The following ANKRD11 variants were observed in gnomAD, a reference collection of about 807,000 sequenced individuals.
The protein encoded by ANKRD11 is ankyrin repeat domain 11.
A neutral mutation model predicts 195.7 loss-of-function variants in ANKRD11; 17 were observed. The observed-to-expected ratio is 0.09, with a 90% confidence interval of 0.06 to 0.13. The LOEUF (loss-of-function observed/expected upper bound fraction) is 0.13. Among genes scored for constraint, ANKRD11 ranks in the 10% least tolerant of loss-of-function variants. The pLI, the probability that ANKRD11 is intolerant of heterozygous loss-of-function variation, is 1.00. For missense variants in ANKRD11, 3,735 were observed against 3,566.1 expected (o/e 1.05, Z -1.21); for synonymous variants, 1,953 against 1,528.1 (o/e 1.28, Z -6.49).
intron 2 of ANKRD11, among the ~76,000 whole-genome samples, chr16:89,402,072 C>T (rs893332994): frequency 4.6e-5 from 7 of 152,058 alleles, no homozygotes; most frequent in South Asian, 2.1e-4. Flanking sequence ...CCCGAAAGAC[C>T]CCCACACCAA....
rs541903424 is a variant in ANKRD11, at chr16:89,324,260, G to A, written c.-59-7182C>T. 19 of 1,230,622 alleles carry A rather than the reference G, an allele frequency of 1.5e-5. 1 individual carries two copies. In the South Asian group the frequency reaches 2.6e-4, roughly 17 times the overall value. The allele number at this position is 1,230,622 out of a possible 1,614,324, so 76.2% of individuals were successfully genotyped here. The stretch of plus-strand genomic sequence containing the variant: ...GACACATGCTTGGTCACTGGGCTGT[G>A]GAACATACAGGAGCCCCGTGCTCCG... On this transcript the variant is annotated intron_variant, in intron 2 of 12. Coordinates refer to ENST00000301030, the MANE Select transcript of ANKRD11 (RefSeq NM_013275.6).
intron 1 of ANKRD11, among the ~76,000 whole-genome samples, chr16:89,487,706 G>A (rs1200106411): frequency 6.6e-6 from 1 of 152,130 alleles, no homozygotes; most frequent in African/African-American, 2.4e-5. Flanking sequence ...CCCAGGAGAC[G>A]GAGGTTGCAA....
At chr16:89,432,367 T>G (rs1403669758) in intron 1 of ANKRD11, among the ~76,000 whole-genome samples, 1 of 152,072 alleles carries the variant, frequency 6.6e-6, no homozygotes, top group African/African-American at 2.4e-5. Flanking sequence ...AGCCGCTGTT[T>G]GTGACCTCAG....
At chr16:89,406,435 G>T (rs952674431) in intron 2 of ANKRD11, among the ~76,000 whole-genome samples, 3 of 152,222 alleles carry the variant, frequency 2.0e-5, no homozygotes, top group East Asian at 1.9e-4. Context: ...TAGAGGAGAA[G>T]CAGCAGCTGC....
intron 2 of ANKRD11, among the ~76,000 whole-genome samples, chr16:89,404,800 G>A (rs763226647): frequency 6.6e-6 from 1 of 152,226 alleles, no homozygotes; most frequent in South Asian, 2.1e-4. Flanking sequence ...TGAGGATGAA[G>A]GCATCATGGA....
rs137963949 is a variant in ANKRD11 at position 89,309,266 on chromosome 16, G to A, written c.88-3922C>T. ...CCACGAAGGGAGAGAATGCCAACAGGAGCAAAATCCTGCAAGTCAGACACT... is the reference window on the plus strand; with the variant it reads ...CCACGAAGGGAGAGAATGCCAACAGAAGCAAAATCCTGCAAGTCAGACACT... On this transcript the variant is annotated intron_variant, in intron 3 of 12. Coordinates refer to ENST00000301030, the MANE Select transcript of ANKRD11 (RefSeq NM_013275.6). 1.2e-3 allele frequency among the ~76,000 whole-genome samples: 189 copies of A among 152,298 alleles called. 1 individual carries two copies. In the East Asian group the frequency reaches 0.034, roughly 28 times the overall value.
chr16:89,281,321 C>G lies in ANKRD11; in HGVS notation c.5221G>C (p.Asp1741His). 1 of 1,613,830 alleles carries G rather than the reference C, an allele frequency of 6.2e-7. No homozygotes were observed. Among genetic ancestry groups the G allele is most frequent in the Non-Finnish European group, 8.5e-7 (1 of 1,179,800 alleles). The change falls in exon 9 of 13, where the codon GAC becomes CAC. Residue 1741 changes from aspartate (D) to histidine (H), a missense_variant. Transcript: ENST00000301030. The surrounding 1 kb of genome is among the most constrained non-coding windows in gnomAD (Gnocchi z 5.5). ...GGCACGGGCGTGGAGTGCTGCGAGT[C>G]GGCGCAGTCGAACACGAGGTCCGCG... ...DYADLVFDCA[D>H]SQHSTPVPTA...
Position 89,316,974 on chromosome 16 carries a change from G to T in ANKRD11, c.46C>A (p.Pro16Thr). The T allele has an allele frequency of 6.2e-7, 1 of 1,613,916 alleles. No individual in the cohort carries two copies. Among genetic ancestry groups the T allele is most frequent in the Non-Finnish European group, 8.5e-7 (1 of 1,179,934 alleles). Residue 16 changes from proline to threonine, a missense_variant, in exon 3 of 13, where the codon CCC (proline) becomes ACC (threonine). Coordinates refer to ENST00000301030, the MANE Select transcript of ANKRD11 (RefSeq NM_013275.6). ...TTCTCCACCATGTCGCTGCTGAGGG[G>T]AAGCTCTTCCTGCTGTGGTGCTTTA... ...CPKAPQQEEL[P>T]LSSDMVEKQT...
chr16:89,447,804 CTTTTTTT>C (rs753581064), intron 1 of ANKRD11, among the ~76,000 whole-genome samples: 14 of 135,296 alleles, frequency 1.0e-4, no homozygotes, highest in Non-Finnish European at 1.7e-4. Context: ...ATAACTTTTT[CTTTTTTT>C]TTTTTTTTTT....
At chr16:89,487,657 C>T (rs573131306) in intron 1 of ANKRD11, among the ~76,000 whole-genome samples, 4 of 152,062 alleles carry the variant, frequency 2.6e-5, no homozygotes, top group Non-Finnish European at 5.9e-5. Context: ...GCCTGTAATC[C>T]CAGCTACTCG....
Position 89,268,554 on chromosome 16 carries a change from A to T in ANKRD11, c.7916T>A (p.Leu2639Gln). 6.6e-7 allele frequency: 1 copy of T among 1,512,832 alleles called. No homozygotes were observed. Among genetic ancestry groups the T allele is most frequent in the Non-Finnish European group, 9.0e-7 (1 of 1,113,684 alleles). The allele number at this position is 1,512,832 out of a possible 1,614,324, so 93.7% of individuals were successfully genotyped here. A position where few individuals can be genotyped will look rare whatever the true frequency, so the allele number is the denominator to read the frequency against. ...QELDPAGHKS[L>Q]CVNEVPSFYV... is the part of the protein sequence containing the mutation. ...GAAGGAGGGCACCTCGTTCACGCAC[A>T]GGGACTTGTGCCCGGCGGGGTCCAG... The change falls in exon 13 of 13, where the codon CTG becomes CAG. Residue 2639 changes from leucine to glutamine, a missense_variant. Transcript: ENST00000301030.
chr16:89,317,666 G>C (rs1159455825), intron 2 of ANKRD11, among the ~76,000 whole-genome samples: 1 of 152,144 alleles, frequency 6.6e-6, no homozygotes, highest in East Asian at 1.9e-4. Flanking sequence ...CCAACTCCAC[G>C]CCCATGGAAG....
intron 2 of ANKRD11, among the ~76,000 whole-genome samples, chr16:89,386,031 C>A (rs1057151012): frequency 6.6e-6 from 1 of 152,232 alleles, no homozygotes; most frequent in South Asian, 2.1e-4. Context: ...GGGTGTGCGC[C>A]GCCATGCCCG....
intron 3 of ANKRD11, among the ~76,000 whole-genome samples, chr16:89,310,526 G>A (rs1597579650): frequency 6.6e-6 from 1 of 152,216 alleles, no homozygotes; most frequent in African/African-American, 2.4e-5. Flanking sequence ...GTACATCAAT[G>A]TGGAGAGAGA....
At chr16:89,374,256 T>C (rs966585089) in intron 2 of ANKRD11, among the ~76,000 whole-genome samples, 5 of 152,188 alleles carry the variant, frequency 3.3e-5, no homozygotes, top group African/African-American at 9.7e-5. Flanking sequence ...TTTATGCTTA[T>C]TGAACCTAGT....
intron 2 of ANKRD11, among the ~76,000 whole-genome samples, chr16:89,376,698 C>T (rs750123788): frequency 1.1e-4 from 17 of 152,186 alleles, no homozygotes; most frequent in Non-Finnish European, 2.4e-4. Context: ...CTTGGCCTCC[C>T]TAAGTGCTGG....
intron 2 of ANKRD11, among the ~76,000 whole-genome samples, chr16:89,330,400 G>A (rs1327760394): frequency 3.9e-5 from 6 of 152,042 alleles, no homozygotes; most frequent in Admixed American, 6.5e-5. Flanking sequence ...CCAGGTGGCC[G>A]CTCGCACACC....
chr16:89,360,726 G>A (rs2039692940), intron 2 of ANKRD11: 1 of 152,228 alleles, frequency 6.6e-6, no homozygotes, highest in Admixed American at 6.5e-5. Context: ...AACTCCAGGT[G>A]TGTGTGTCTG....
intron 11 of ANKRD11, chr16:89,271,270 G>C (rs990579002): frequency 2.9e-6 from 1 of 344,818 alleles, no homozygotes; most frequent in African/African-American, 2.2e-5. Context: ...ACAGAGTTTC[G>C]CTTGTTGCCC....
Sources: allele counts gnomAD v4.1 joint callset (sites outside exome capture counted in the v4.1 genomes callset), GRCh38; gene constraint gnomAD v4.1.1; non-coding constraint Gnocchi (gnomAD v3.1); transcripts MANE v1.5; gene names NCBI Gene and HGNC (gene_info 2026-07-23, HGNC 2026-07-21).